Variants in ALKBH1 observed in about 807,000 individuals in gnomAD.
ALKBH1 encodes alkB homolog 1, histone H2A dioxygenase.
ALKBH1 carries 31 observed loss-of-function variants against 36.6 expected under a neutral mutation model. The observed-to-expected ratio is 0.85, with a 90% CI of 0.64 to 1.14. The LOEUF is 1.14. Among genes scored for constraint, ALKBH1 ranks in the 50% most tolerant of loss-of-function variants. The pLI is 0.00. For synonymous variants in ALKBH1, 183 were observed against 186.6 expected, an observed-to-expected ratio of 0.98 and a Z score of 0.16; for missense variants, 490 against 497.3, an observed-to-expected ratio of 0.99 and a Z score of 0.14.
At chr14:77,706,187 G>A (rs989192892) in intron 1 of ALKBH1, among the ~76,000 whole-genome samples, 1 of 151,718 alleles carries the variant, frequency 6.6e-6, no homozygotes, top group Non-Finnish European at 1.5e-5. Flanking sequence ...GAGATTCCTG[G>A]ACAAAATACC....
chr14:77,704,284 T>TTAAG, intron 2 of ALKBH1, 85 bp downstream of exon 2: 1 of 964,180 alleles, frequency 1.0e-6, no homozygotes, highest in East Asian at 2.4e-5. Context: ...GTCTATTTAC[T>TTAAG]TGCTCACACA....
chr14:77,707,137 G>C (rs930593075), intron 1 of ALKBH1, among the ~76,000 whole-genome samples: 2 of 152,180 alleles, frequency 1.3e-5, no homozygotes, highest in Admixed American at 1.3e-4. Context: ...GGCGGAAACG[G>C]GGGTCTTGCC....
chr14:77,706,255 G>A (rs1409229271), intron 1 of ALKBH1, among the ~76,000 whole-genome samples: 1 of 152,038 alleles, frequency 6.6e-6, no homozygotes, highest in East Asian at 1.9e-4. Flanking sequence ...GAAACCCTCT[G>A]ACAGTACTAT....
chr14:77,707,699 G>A, intron 1 of ALKBH1, 123 bp downstream of exon 1: 1 of 1,127,580 alleles, frequency 8.9e-7, no homozygotes, highest in Non-Finnish European at 1.2e-6. Flanking sequence ...TGCAGCCAAA[G>A]GAGGTCAGGA....
At chr14:77,705,411 G>GAAAAAAAAAAAAAAAAAAAA (rs56123313) in intron 1 of ALKBH1, among the ~76,000 whole-genome samples, 1 of 113,394 alleles carries the variant, frequency 8.8e-6, no homozygotes, top group Non-Finnish European at 1.8e-5. Context: ...CTCCGTCTAA[G>GAAAAAAAAAAAAAAAAAAAA]AAAAAAAAAA....
intron 3 of ALKBH1, chr14:77,683,303 G>T: frequency 1.3e-6 from 1 of 747,370 alleles, no homozygotes; most frequent in Non-Finnish European, 2.5e-6. Flanking sequence ...TGGCACTTCA[G>T]TTGAACTCAG....
chr14:77,703,449 G>A (rs1341291491), intron 2 of ALKBH1, among the ~76,000 whole-genome samples: 2 of 151,874 alleles, frequency 1.3e-5, no homozygotes, highest in Non-Finnish European at 2.9e-5. Flanking sequence ...CCGCCACCAT[G>A]CCCGGCTAAT....
intron 4 of ALKBH1, 130 bp from the exon 5 acceptor site, chr14:77,675,979 C>A: frequency 2.7e-6 from 2 of 751,918 alleles, no homozygotes; most frequent in Non-Finnish European, 2.1e-6. Flanking sequence ...ACAGCATTAT[C>A]TATCCATTCT....
Position 77,674,171 on chromosome 14 carries a change from G to A in ALKBH1, c.811C>T (p.His271Tyr). 1.2e-6 allele frequency: 2 copies of A among 1,614,156 alleles called. No homozygotes were observed. Among genetic ancestry groups the A allele is most frequent in the Non-Finnish European group, 1.7e-6 (2 of 1,180,006 alleles). The stretch of plus-strand genomic sequence containing the variant: ...GACATTATCATGATGTCACCACTGT[G>A]CATAAACATGGCCGTGGGGGCCTCA... ...RDEAPTAMFM[H>Y]SGDIMIMSGF... Residue 271 changes from histidine (H) to tyrosine (Y), a missense_variant, in exon 6 of 6, where the codon CAC becomes TAC. His to Tyr is a moderately conservative substitution (Grantham distance 83). Transcript: ENST00000216489.
At chr14:77,699,360 A>G (rs761883241) in intron 2 of ALKBH1, among the ~76,000 whole-genome samples, 3 of 152,234 alleles carry the variant, frequency 2.0e-5, no homozygotes, top group Non-Finnish European at 4.4e-5. Context: ...TTGGCATATA[A>G]TTTAGTCATA....
chr14:77,707,661 G>C (rs943124679), intron 1 of ALKBH1, among the ~76,000 whole-genome samples, 161 bp downstream of exon 1: 4 of 152,206 alleles, frequency 2.6e-5, no homozygotes, highest in African/African-American at 9.6e-5. Flanking sequence ...TTATTGCTAA[G>C]TGTGACGGTT....
chr14:77,683,475 G>C (rs1328590052), intron 3 of ALKBH1: 39 of 724,420 alleles, frequency 5.4e-5, no homozygotes, highest in Non-Finnish European at 8.6e-5. Context: ...CAGCATGCTG[G>C]GGAACACTGT....
At chr14:77,675,548 C>A in intron 5 of ALKBH1, 108 bp downstream of exon 5, 1 of 967,486 alleles carries the variant, frequency 1.0e-6, no homozygotes. Context: ...ATTATAGAGT[C>A]CAACCACTTT....
intron 5 of ALKBH1, among the ~76,000 whole-genome samples, chr14:77,674,907 A>G (rs2080196622): frequency 6.6e-6 from 1 of 152,078 alleles, no homozygotes; most frequent in Admixed American, 6.6e-5. Flanking sequence ...TACTATGTTT[A>G]CCTTTCCTCA....
intron 2 of ALKBH1, among the ~76,000 whole-genome samples, chr14:77,703,614 T>TTTTTTTG (rs2080372129): frequency 7.1e-6 from 1 of 140,348 alleles, no homozygotes; most frequent in Non-Finnish European, 1.6e-5. Context: ...TTTTTTTTTT[T>TTTTTTTG]GAGACAGAGT....
intron 4 of ALKBH1, among the ~76,000 whole-genome samples, chr14:77,678,805 T>G (rs2080220413): frequency 6.6e-6 from 1 of 152,084 alleles, no homozygotes; most frequent in African/African-American, 2.4e-5. Context: ...TTCCTAGTCA[T>G]TATAGAGCAG....
intron 3 of ALKBH1, among the ~76,000 whole-genome samples, chr14:77,693,596 C>T (rs1465567113): frequency 6.6e-6 from 1 of 152,216 alleles, no homozygotes; most frequent in African/African-American, 2.4e-5. Context: ...GCTTTCTCTA[C>T]TCAGTAGAGA....
intron 1 of ALKBH1, among the ~76,000 whole-genome samples, chr14:77,705,300 C>T (rs2080382395): frequency 6.6e-6 from 1 of 150,770 alleles, no homozygotes; most frequent in South Asian, 2.1e-4. Flanking sequence ...GAAATCCCAG[C>T]TACGAGAGGC....
intron 3 of ALKBH1, among the ~76,000 whole-genome samples, chr14:77,688,861 C>T (rs114470192): frequency 0.019 from 2,882 of 152,168 alleles, 104 homozygotes; most frequent in African/African-American, 0.066. Context: ...TGTGAGCCAC[C>T]GCGCCTGGCC....
Sources: allele counts gnomAD v4.1 joint callset (sites outside exome capture counted in the v4.1 genomes callset), GRCh38; gene constraint gnomAD v4.1.1; transcripts MANE v1.5; gene names NCBI Gene and HGNC (gene_info 2026-07-23, HGNC 2026-07-21).